Variants in NT5DC1 observed in about 807,000 individuals in gnomAD.
NT5DC1 encodes 5'-nucleotidase domain containing 1.
Under a neutral mutation model 59.4 loss-of-function variants are expected in NT5DC1, and 42 were observed. That is an observed-to-expected ratio of 0.71 (90% CI 0.55 to 0.92). NT5DC1 has a LOEUF of 0.92. Ranked by LOEUF, NT5DC1 falls within the 40% of genes least tolerant of loss-of-function variation. The probability of loss-of-function intolerance (pLI) is 0.00; values close to 1 mark genes in which losing one functional copy is unlikely to be tolerated. For missense variants in NT5DC1, 501 were observed against 537.1 expected (o/e 0.93, Z 0.66); for synonymous variants, 172 against 188.1 (o/e 0.91, Z 0.70).
chr6:116,206,947 G>C (rs1369074720), intron 6 of NT5DC1, among the ~76,000 whole-genome samples: 1 of 151,800 alleles, frequency 6.6e-6, no homozygotes, highest in Non-Finnish European at 1.5e-5. Flanking sequence ...TTTTCTTCTT[G>C]TTTATTGAGT....
chr6:116,121,619 G>T (rs906010571), intron 6 of NT5DC1: 1 of 1,613,790 alleles, frequency 6.2e-7, no homozygotes, highest in African/African-American at 1.3e-5. Flanking sequence ...GGGTCCTGGG[G>T]CTCCTGTGGG....
chr6:116,104,698 G>C (rs1469959541), intron 1 of NT5DC1, among the ~76,000 whole-genome samples: 1 of 152,160 alleles, frequency 6.6e-6, no homozygotes, highest in East Asian at 1.9e-4. Flanking sequence ...AATTGGATTT[G>C]CTGGTGTGCC....
intron 6 of NT5DC1, among the ~76,000 whole-genome samples, chr6:116,150,057 A>C (rs554497095): frequency 1.0e-3 from 155 of 152,266 alleles, no homozygotes; most frequent in Non-Finnish European, 1.8e-3. Flanking sequence ...TAAGTGTTGA[A>C]GTTTAGAGAA....
At chr6:116,204,391 TC>T (rs1781406755) in intron 6 of NT5DC1, among the ~76,000 whole-genome samples, 1 of 151,944 alleles carries the variant, frequency 6.6e-6, no homozygotes, top group Non-Finnish European at 1.5e-5. Context: ...TAATTAGTAA[TC>T]AGGGAAATGC....
chr6:116,110,076 C>T (rs1173374414), intron 3 of NT5DC1, among the ~76,000 whole-genome samples: 1 of 152,070 alleles, frequency 6.6e-6, no homozygotes, highest in East Asian at 1.9e-4. Context: ...ACTCAGAATG[C>T]TATGCAGTTT....
chr6:116,125,273 GATT>G (rs1185387408), intron 6 of NT5DC1: 1 of 1,555,272 alleles, frequency 6.4e-7, no homozygotes, highest in Non-Finnish European at 8.8e-7. Flanking sequence ...TTGTTAAAGA[GATT>G]ATTAAGATTA....
intron 6 of NT5DC1, among the ~76,000 whole-genome samples, chr6:116,187,375 T>C (rs1013509859): frequency 3.3e-4 from 50 of 151,984 alleles, no homozygotes; most frequent in Non-Finnish European, 6.9e-4. Context: ...CCACAATTTA[T>C]ATGGAAATGA....
intron 11 of NT5DC1, among the ~76,000 whole-genome samples, chr6:116,241,478 G>T (rs2114565282): frequency 6.6e-6 from 1 of 152,298 alleles, no homozygotes; most frequent in East Asian, 1.9e-4. Flanking sequence ...AACAATTAAG[G>T]ATAAGACTAT....
chr6:116,100,922 C>T lies in NT5DC1; in HGVS notation c.-9C>T. 6.3e-7 allele frequency: 1 copy of T among 1,593,794 alleles called. No individual in the cohort carries two copies. The highest frequency in any genetic ancestry group is 1.4e-5 in the African/African-American group (1 of 72,004). On this transcript the variant is annotated 5_prime_UTR_variant, in exon 1 of 12. Coordinates refer to ENST00000319550, the MANE Select transcript of NT5DC1 (RefSeq NM_152729.3). ...GGCCGAGGCGCTCCCTGGTGCTCCCCGCGCAGCCATGGCTCAGCACTTCTC... is the reference window on the plus strand; with the variant it reads ...GGCCGAGGCGCTCCCTGGTGCTCCCTGCGCAGCCATGGCTCAGCACTTCTC...
intron 6 of NT5DC1, among the ~76,000 whole-genome samples, chr6:116,177,278 T>C (rs906238654): frequency 5.9e-5 from 9 of 152,220 alleles, no homozygotes; most frequent in Admixed American, 5.2e-4. Context: ...CATGACATAC[T>C]TTTCAATTAA....
chr6:116,112,891 G>A (rs774902637), intron 4 of NT5DC1, among the ~76,000 whole-genome samples: 1 of 152,154 alleles, frequency 6.6e-6, no homozygotes, highest in Non-Finnish European at 1.5e-5. Flanking sequence ...CTACCTTTAA[G>A]TATATTAATC....
intron 8 of NT5DC1, among the ~76,000 whole-genome samples, chr6:116,235,281 C>T (rs903199471): frequency 6.6e-6 from 1 of 152,104 alleles, no homozygotes; most frequent in Non-Finnish European, 1.5e-5. Context: ...AATAAACAGA[C>T]ATGAGAAGTG....
intron 6 of NT5DC1, among the ~76,000 whole-genome samples, chr6:116,173,374 C>G (rs1248775314): frequency 1.3e-5 from 2 of 152,186 alleles, no homozygotes; most frequent in Non-Finnish European, 2.9e-5. Context: ...AATACCTTCT[C>G]CCATCTGGGG....
intron 5 of NT5DC1, among the ~76,000 whole-genome samples, chr6:116,117,391 A>T (rs1281244160): frequency 6.6e-6 from 1 of 152,182 alleles, no homozygotes; most frequent in Non-Finnish European, 1.5e-5. Flanking sequence ...ATGTTTTGTA[A>T]AATATAAACT....
intron 6 of NT5DC1, among the ~76,000 whole-genome samples, chr6:116,156,318 T>G (rs1377051781): frequency 6.6e-6 from 1 of 152,208 alleles, no homozygotes; most frequent in African/African-American, 2.4e-5. Context: ...AAAAAAATTT[T>G]TTTTAGGTTG....
At chr6:116,187,117 G>A (rs920943593) in intron 6 of NT5DC1, among the ~76,000 whole-genome samples, 1 of 152,030 alleles carries the variant, frequency 6.6e-6, no homozygotes, top group Non-Finnish European at 1.5e-5. Context: ...CCAGACTGCA[G>A]TGATGCTATT....
chr6:116,163,240 T>TTTG (rs1002013811), intron 6 of NT5DC1, among the ~76,000 whole-genome samples: 7 of 149,960 alleles, frequency 4.7e-5, no homozygotes, highest in African/African-American at 1.5e-4. Flanking sequence ...TGGGTTTTTT[T>TTTG]TTGTTGTTGT....
chr6:116,119,980 C>A (rs1779058771), intron 6 of NT5DC1: 2 of 1,126,482 alleles, frequency 1.8e-6, no homozygotes, highest in South Asian at 1.3e-5. Context: ...AAATTACATT[C>A]TTTTCAGCCT....
chr6:116,188,410 C>T (rs139268755), intron 6 of NT5DC1, among the ~76,000 whole-genome samples: 1 of 152,092 alleles, frequency 6.6e-6, no homozygotes, highest in Non-Finnish European at 1.5e-5. Context: ...AAATATCCCT[C>T]AATAGTGCAG....
Sources: gnomAD v4.1 joint callset for allele counts (sites outside exome capture counted in the v4.1 genomes callset) on GRCh38, gnomAD v4.1.1 for gene constraint, MANE v1.5 for transcripts, NCBI Gene and HGNC (gene_info 2026-07-23, HGNC 2026-07-21) for gene names.